Variants in KNTC1 observed in about 807,000 individuals in gnomAD.
KNTC1 encodes kinetochore-associated protein 1.
A neutral mutation model predicts 314.4 loss-of-function variants in KNTC1; 253 were observed. The observed-to-expected ratio is 0.80, with a 90% CI of 0.73 to 0.89. KNTC1 has a LOEUF of 0.89. Among genes scored for constraint, KNTC1 ranks in the 40% least tolerant of loss-of-function variants. The pLI, the probability that KNTC1 is intolerant of heterozygous loss-of-function variation, is 0.00. For synonymous variants in KNTC1, 901 were observed against 901.4 expected (o/e 1.00, Z 0.01); for missense variants, 2,475 against 2,572.9 (o/e 0.96, Z 0.82).
At chr12:122,542,709 A>G (rs2137717539) in intron 6 of KNTC1, among the ~76,000 whole-genome samples, 1 of 152,196 alleles carries the variant, frequency 6.6e-6, no homozygotes, top group East Asian at 1.9e-4. Flanking sequence ...AGGTGCGGTG[A>G]GCTGAGATCA....
intron 16 of KNTC1, among the ~76,000 whole-genome samples, chr12:122,556,917 CTTTTTTTTTTTT>C: frequency 1.1e-5 from 1 of 88,296 alleles, no homozygotes; most frequent in East Asian, 3.3e-4. Context: ...AATTTTCCCT[CTTTTTTTTTTTT>C]TTTTTTTTTT....
chr12:122,601,732 T>A, intron 45 of KNTC1, 107 bp downstream of exon 45: 1 of 1,089,848 alleles, frequency 9.2e-7, no homozygotes, highest in Non-Finnish European at 1.2e-6. Flanking sequence ...GAATTCCCTT[T>A]AAACTCTGTG....
At chr12:122,574,996 C>T (rs1469829415) in intron 27 of KNTC1, among the ~76,000 whole-genome samples, 1 of 152,208 alleles carries the variant, frequency 6.6e-6, no homozygotes, top group African/African-American at 2.4e-5. Context: ...CACAGTGGCT[C>T]ATGCCTGTAA....
At chr12:122,592,865 T>A (rs1198258754) in intron 42 of KNTC1, 1 of 152,354 alleles carries the variant, frequency 6.6e-6, no homozygotes, top group Middle Eastern at 3.4e-3. Context: ...TTTAGCTGTT[T>A]GCAATAATCT....
chr12:122,594,487 C>A (rs547626315), intron 43 of KNTC1, 102 bp downstream of exon 43: 2 of 708,014 alleles, frequency 2.8e-6, no homozygotes, highest in East Asian at 2.5e-5. Context: ...GTCCATAGAC[C>A]ACTATTTTCT....
intron 3 of KNTC1, among the ~76,000 whole-genome samples, chr12:122,535,852 A>G (rs1054782237): frequency 6.6e-6 from 1 of 151,624 alleles, no homozygotes. Context: ...GGGGTAAGTC[A>G]GTGATTGTAC....
At position 122,602,744 on chromosome 12, in the gene KNTC1, T is replaced by C; in HGVS notation, c.4825+4T>C. ...CAGAACTTCTGGAAAATTCTCTGTA[T>C]GTGTTCATTAACTTTTTATGAATTT... On this transcript the variant is annotated splice_donor_region_variant and intron_variant, in intron 46 of 63. Coordinates refer to ENST00000333479, the MANE Select transcript of KNTC1 (RefSeq NM_014708.6). The C allele has an allele frequency of 1.9e-6, 3 of 1,613,336 alleles. No homozygotes were observed. Among genetic ancestry groups the C allele is most frequent in the Non-Finnish European group, 2.5e-6 (3 of 1,179,566 alleles).
Position 122,530,038 on chromosome 12 carries a change from T to A in KNTC1, c.-26T>A. Reference sequence around the variant, plus strand: ...GTTGTTCAGGAAAGACAGTGGTTCCTGACTCAGGAAGACAGTCTCAGAAAC... The same window carrying A: ...GTTGTTCAGGAAAGACAGTGGTTCCAGACTCAGGAAGACAGTCTCAGAAAC... On this transcript the variant is annotated 5_prime_UTR_variant, in exon 2 of 64. The change abolishes the stop of an existing upstream ORF in the 5' untranslated region. Transcript: ENST00000333479. The A allele has an allele frequency of 6.2e-7, 1 of 1,610,534 alleles. No homozygotes were observed.
Position 122,626,247 on chromosome 12 carries a change from C to A in KNTC1, c.*19C>A. ...ATCGTAAATCACTGAACCTTTTTTT[C>A]AAGAAGGACAAGAATTTTGGAGTCT... On this transcript the variant is annotated 3_prime_UTR_variant, in exon 64 of 64. Transcript: ENST00000333479. 1.3e-6 allele frequency: 2 copies of A among 1,556,014 alleles called. No homozygotes were observed. Among genetic ancestry groups the A allele is most frequent in the Non-Finnish European group, 1.8e-6 (2 of 1,133,748 alleles).
At chr12:122,592,649 GTATC>G (rs1870428663) in intron 42 of KNTC1, among the ~76,000 whole-genome samples, 1 of 152,136 alleles carries the variant, frequency 6.6e-6, no homozygotes, top group Non-Finnish European at 1.5e-5. Flanking sequence ...TCAAAACTCT[GTATC>G]TAACTAATCT....
At chr12:122,551,942 C>G (rs546649302) in intron 16 of KNTC1, among the ~76,000 whole-genome samples, 1 of 151,488 alleles carries the variant, frequency 6.6e-6, no homozygotes, top group African/African-American at 2.4e-5. Context: ...GAGTCTTACT[C>G]TGTTGCCCAG....
chr12:122,566,087 C>T (rs1032717103), intron 20 of KNTC1, among the ~76,000 whole-genome samples: 113 of 150,710 alleles, frequency 7.5e-4, no homozygotes, highest in African/African-American at 2.6e-3. Flanking sequence ...GGATTACAGG[C>T]GTCTGCCACC....
Position 122,584,913 on chromosome 12 carries a change from G to C in KNTC1, c.3457G>C (p.Glu1153Gln). Residue 1153 changes from glutamate to glutamine, a missense_variant, in exon 36 of 64, where the codon GAA becomes CAA. Physicochemically the swap from Glu to Gln is conservative, Grantham distance 29. Coordinates refer to ENST00000333479, the MANE Select transcript of KNTC1 (RefSeq NM_014708.6). Reference sequence around the variant, plus strand: ...TTCAGATTTTTTACTAGATGCTTTAGAACTATGTAAACATACTTTAATGGC... The same window carrying C: ...TTCAGATTTTTTACTAGATGCTTTACAACTATGTAAACATACTTTAATGGC... ...CSPDFLLDAL[E>Q]LCKHTLMAVE... is the part of the protein sequence containing the mutation. 1 of 1,575,228 alleles carries C rather than the reference G, an allele frequency of 6.3e-7. No individual in the cohort carries two copies. The highest frequency in any genetic ancestry group is 1.1e-5 in the South Asian group (1 of 89,850).
At chr12:122,586,541 GTA>G (rs1041139125) in intron 37 of KNTC1, among the ~76,000 whole-genome samples, 158 bp from the exon 38 acceptor site, 5 of 152,162 alleles carry the variant, frequency 3.3e-5, no homozygotes, top group African/African-American at 7.2e-5. Context: ...ATCTGTGAGA[GTA>G]TGTGCTGTGT....
At chr12:122,581,234 T>C (rs990612327) in intron 33 of KNTC1, among the ~76,000 whole-genome samples, 10 of 151,318 alleles carry the variant, frequency 6.6e-5, no homozygotes, top group African/African-American at 2.2e-4. Context: ...GTTTTGCTCT[T>C]GTTGCCCAGG....
In KNTC1 at chr12:122,593,171, G is replaced by T. The variant is rs138258020; in HGVS notation, c.4246-1105G>T. On this transcript the variant is annotated intron_variant, in intron 42 of 63. Transcript: ENST00000333479. ...GTAACACTCACCTCGGGGGTCCGCG[G>T]CTTCATTCTTGAAGTCAGTGAGACC... The T allele has an allele frequency of 2.2e-3, 402 of 182,422 alleles. 2 individuals are homozygous for T. Among genetic ancestry groups the T allele is most frequent in the African/African-American group, 9.2e-3 (388 of 41,946 alleles). The allele number at this position is 182,422 out of a possible 1,614,324, so 11.3% of individuals were successfully genotyped here.
At chr12:122,587,675 A>G in intron 38 of KNTC1, 36 bp from the exon 39 acceptor site, 1 of 1,536,524 alleles carries the variant, frequency 6.5e-7, no homozygotes, top group Non-Finnish European at 8.8e-7. Flanking sequence ...CTTTGTTTAA[A>G]AAATCTAAAT....
intron 55 of KNTC1, among the ~76,000 whole-genome samples, chr12:122,614,037 G>T (rs986843552): frequency 1.1e-4 from 16 of 152,020 alleles, no homozygotes; most frequent in African/African-American, 3.6e-4. Flanking sequence ...CACCATATTG[G>T]CCAGGCTGGT....
chr12:122,568,116 C>CT, intron 20 of KNTC1, 145 bp from the exon 21 acceptor site: 1 of 580,744 alleles, frequency 1.7e-6, no homozygotes, highest in Non-Finnish European at 3.0e-6. Context: ...ATTGTGTGAT[C>CT]TTTGGAACTG....
Sources: allele counts gnomAD v4.1 joint callset (sites outside exome capture counted in the v4.1 genomes callset), GRCh38; gene constraint gnomAD v4.1.1; transcripts MANE v1.5; gene names NCBI Gene and HGNC (gene_info 2026-07-23, HGNC 2026-07-21).